PRC1: variants seen among roughly 807,000 people sequenced by gnomAD.
PRC1 encodes anaphase spindle elongation 1 homolog.
In PRC1, 54 loss-of-function variants were observed where a neutral mutation model predicts 91.2. That is an observed-to-expected ratio of 0.59 (90% CI 0.48 to 0.74). The LOEUF is 0.74. Ranked by LOEUF, PRC1 falls within the 30% of genes least tolerant of loss-of-function variation. The probability of loss-of-function intolerance (pLI) is 0.00; values close to 1 mark genes in which losing one functional copy is unlikely to be tolerated. For missense variants in PRC1, 727 were observed against 746.2 expected (o/e 0.97, Z 0.30); for synonymous variants, 275 against 263.6 (o/e 1.04, Z -0.42).
chr15:90,968,659 C>T (rs2037760644), intron 14 of PRC1: 2 of 1,010,636 alleles, frequency 2.0e-6, no homozygotes, highest in Admixed American at 1.0e-4. Flanking sequence ...GCGGTTAAGC[C>T]CTGAGGGGTT....
chr15:90,969,666 A>AACGTGC lies in PRC1; in HGVS notation c.1573-49_1573-44dup, dbSNP rs754819039. On this transcript the variant is annotated intron_variant, in intron 12 of 14. Transcript: ENST00000394249. ...AGATCCATGTATCATCCTTCTAATG[A>AACGTGC]ACGTGCACACGCACACACAATACCT... 2.6e-6 allele frequency: 4 copies of AACGTGC among 1,537,962 alleles called. No individual in the cohort carries two copies. The African/African-American group carries it at 5.5e-5, about 21-fold the overall frequency.
At chr15:90,990,148 C>A (rs2039878541) in intron 1 of PRC1, among the ~76,000 whole-genome samples, 1 of 151,822 alleles carries the variant, frequency 6.6e-6, no homozygotes, top group Non-Finnish European at 1.5e-5. Flanking sequence ...CCAGCCTGGC[C>A]AATATGGTGA....
intron 8 of PRC1, 61 bp from the exon 9 acceptor site, chr15:90,976,832 C>G (rs2038743251): frequency 7.2e-7 from 1 of 1,398,284 alleles, no homozygotes; most frequent in East Asian, 2.3e-5. Context: ...ATAACTTCTG[C>G]TAAGATTCTT....
rs2038450545 is a variant in PRC1 at position 90,974,227 on chromosome 15, T to C, written c.1370A>G (p.Gln457Arg). Residue 457 changes from glutamine to arginine, a missense_variant, in exon 11 of 15, where the codon CAG becomes CGG. Coordinates refer to ENST00000394249, the MANE Select transcript of PRC1 (RefSeq NM_003981.4). The surrounding 1 kb of genome is among the most constrained non-coding windows in gnomAD (Gnocchi z 4.6). ...KQERQLKNKK[Q>R]TETEMLYGSA... ...GCCATACAGCATCTCTGTCTCTGTCTGTTTTTTGTTCTTCAGTTGCTGTGT... is the reference window on the plus strand; with the variant it reads ...GCCATACAGCATCTCTGTCTCTGTCCGTTTTTTGTTCTTCAGTTGCTGTGT... 3 of 1,614,180 alleles carry C rather than the reference T, an allele frequency of 1.9e-6. No individual in the cohort carries two copies. The highest frequency in any genetic ancestry group is 3.3e-4 in the Middle Eastern group (2 of 6,056).
chr15:90,976,318 G>A (rs1278611603), intron 9 of PRC1, among the ~76,000 whole-genome samples: 1 of 151,456 alleles, frequency 6.6e-6, no homozygotes, highest in African/African-American at 2.4e-5. Flanking sequence ...TCAAGACCAG[G>A]CTGGTCTTGA....
intron 5 of PRC1, 102 bp from the exon 6 acceptor site, chr15:90,981,135 T>G: frequency 6.8e-7 from 1 of 1,474,176 alleles, no homozygotes. Context: ...GAGGAGGCAC[T>G]TTCATGAGAG....
Position 90,984,848 on chromosome 15 carries a change from T to TGTTA in PRC1, c.12-27_12-24dup, listed in dbSNP as rs767024027. 15 of 1,613,726 alleles carry TGTTA rather than the reference T, an allele frequency of 9.3e-6. No homozygotes were observed. Among genetic ancestry groups the TGTTA allele is most frequent in the Non-Finnish European group, 1.3e-5 (15 of 1,179,824 alleles). On this transcript the variant is annotated intron_variant, in intron 1 of 14. Coordinates refer to ENST00000394249, the MANE Select transcript of PRC1 (RefSeq NM_003981.4). The surrounding 1 kb of genome is among the most constrained non-coding windows in gnomAD (Gnocchi z 5.1). ...TCACTGAAAACCAAAAACTAAGGCC[T>TGTTA]GTTAGTTACATCAGTCACAGCCTCT... is the stretch of plus-strand genomic sequence containing the variant.
intron 11 of PRC1, 152 bp downstream of exon 11, chr15:90,973,984 A>G (rs1456985417): frequency 4.7e-6 from 3 of 642,110 alleles, no homozygotes; most frequent in Middle Eastern, 4.3e-4. Context: ...TTCTTTCTCT[A>G]TACTTTGTGT....
At chr15:90,968,904 T>C (rs919134736) in intron 14 of PRC1, 175 bp downstream of exon 14, 2 of 1,419,446 alleles carry the variant, frequency 1.4e-6, no homozygotes, top group Non-Finnish European at 1.8e-6. Flanking sequence ...ATTTTATTAA[T>C]TAATCTGTTG....
chr15:90,970,285 C>G, intron 12 of PRC1, 119 bp downstream of exon 12: 1 of 747,718 alleles, frequency 1.3e-6, no homozygotes, highest in Non-Finnish European at 2.3e-6. Context: ...TGTCAACTCT[C>G]AGCATCTCAA....
chr15:90,981,313 C>A (rs1015411019), intron 5 of PRC1, 186 bp downstream of exon 5: 9 of 704,082 alleles, frequency 1.3e-5, no homozygotes, highest in South Asian at 2.3e-5. Flanking sequence ...TTTCTTGGAG[C>A]CATATAAAGG....
At chr15:90,983,888 G>T in intron 3 of PRC1, 130 bp downstream of exon 3, 2 of 1,272,306 alleles carry the variant, frequency 1.6e-6, no homozygotes, top group Non-Finnish European at 2.1e-6. Flanking sequence ...TACACAGCAT[G>T]TTTTCCCCAC....
At chr15:90,969,975 T>C (rs913016034) in intron 12 of PRC1, among the ~76,000 whole-genome samples, 1 of 152,102 alleles carries the variant, frequency 6.6e-6, no homozygotes, top group African/African-American at 2.4e-5. Context: ...ATCTTGAGCA[T>C]AGTCTAATAA....
At chr15:90,971,155 G>A (rs1284631861) in intron 11 of PRC1, among the ~76,000 whole-genome samples, 1 of 152,236 alleles carries the variant, frequency 6.6e-6, no homozygotes, top group Non-Finnish European at 1.5e-5. Flanking sequence ...CTAGGAGCCA[G>A]GGAAGGAGGG....
chr15:90,970,242 G>C (rs2037992297), intron 12 of PRC1, among the ~76,000 whole-genome samples, 162 bp downstream of exon 12: 1 of 152,152 alleles, frequency 6.6e-6, no homozygotes, highest in East Asian at 1.9e-4. Context: ...CGTTAGTTTT[G>C]GACCATTATT....
Position 90,970,498 on chromosome 15 carries a change from A to T in PRC1, c.1478T>A (p.Met493Lys). ...GCTACTATTGGCCGTAGCATTGGAC[A>T]TGGTGGTAGTGTTCAGCTAGGGAGA... Reference protein sequence around the residue: ...GKARKLNTTTMSNATANSSIR... With the variant: ...GKARKLNTTTKSNATANSSIR... Residue 493 changes from methionine (M) to lysine (K), a missense_variant, in exon 12 of 15, where the codon ATG becomes AAG. Physicochemically the swap from Met to Lys is moderately conservative, Grantham distance 95. Coordinates refer to ENST00000394249, the MANE Select transcript of PRC1 (RefSeq NM_003981.4). 1 of 1,612,166 alleles carries T rather than the reference A, an allele frequency of 6.2e-7. No homozygotes were observed. Among genetic ancestry groups the T allele is most frequent in the Non-Finnish European group, 8.5e-7 (1 of 1,178,308 alleles).
At chr15:90,980,809 T>TCAACAA in intron 6 of PRC1, 75 bp downstream of exon 6, 1 of 1,590,932 alleles carries the variant, frequency 6.3e-7, no homozygotes, top group Non-Finnish European at 8.6e-7. Context: ...CCTGGCCAAA[T>TCAACAA]CAACAACAGT....
intron 9 of PRC1, among the ~76,000 whole-genome samples, chr15:90,975,073 G>A (rs1198677353): frequency 6.6e-6 from 1 of 152,168 alleles, no homozygotes; most frequent in Non-Finnish European, 1.5e-5. Flanking sequence ...GGTTCAATCT[G>A]GAATCACCCT....
intron 11 of PRC1, among the ~76,000 whole-genome samples, chr15:90,972,192 AAAAAAAAAAAAACACCACCAAC>A (rs2038200368): frequency 2.0e-5 from 3 of 146,390 alleles, no homozygotes; most frequent in African/African-American, 7.8e-5. Context: ...ACTCAAAAAA[AAAAAAAAAAAAACACCACCAAC>A]AAAAAAAAAA....
Sources: gnomAD v4.1 joint callset for allele counts (sites outside exome capture counted in the v4.1 genomes callset) on GRCh38, gnomAD v4.1.1 for gene constraint, Gnocchi (gnomAD v3.1) non-coding constraint, MANE v1.5 for transcripts, NCBI Gene and HGNC (gene_info 2026-07-23, HGNC 2026-07-21) for gene names.